PRELID2: variants seen among roughly 807,000 people sequenced by gnomAD.
PRELID2 encodes the protein PRELI domain containing 2.
In PRELID2, 25 loss-of-function variants were observed where a neutral mutation model predicts 28.4. The ratio of observed to expected loss-of-function variants is 0.88; its 90% confidence interval spans 0.64 to 1.23. The LOEUF (loss-of-function observed/expected upper bound fraction) is 1.23. PRELID2 is among the 50% of genes most tolerant of loss of function. The pLI is 0.00. For missense variants in PRELID2, 201 were observed against 214.4 expected, an observed-to-expected ratio of 0.94 and a Z score of 0.39; for synonymous variants, 76 against 71.6, an observed-to-expected ratio of 1.06 and a Z score of -0.31.
chr5:145,716,221 G>T (rs994557593), intron 1 of PRELID2, among the ~76,000 whole-genome samples: 2 of 152,148 alleles, frequency 1.3e-5, no homozygotes, highest in East Asian at 3.8e-4. Flanking sequence ...TGTCTTGTTC[G>T]TCATTGTATA....
chr5:145,359,718 T>C, the PRELID2 span, among the ~76,000 whole-genome samples: 1 of 152,190 alleles, frequency 6.6e-6, no homozygotes, highest in African/African-American at 2.4e-5. Flanking sequence ...GTTTAAAGAC[T>C]ATTATCAGAG....
the PRELID2 span, among the ~76,000 whole-genome samples, chr5:145,343,773 T>A: frequency 6.6e-6 from 1 of 151,360 alleles, no homozygotes; most frequent in Non-Finnish European, 1.5e-5. Context: ...ACTATGTAGA[T>A]GAACCAAGAA....
the PRELID2 span, among the ~76,000 whole-genome samples, chr5:145,359,941 T>C: frequency 6.6e-6 from 1 of 152,172 alleles, no homozygotes. Context: ...TACAGACATA[T>C]TGGATTGACC....
intron 1 of PRELID2, among the ~76,000 whole-genome samples, chr5:145,741,146 A>G (rs1199555482): frequency 2.6e-5 from 3 of 116,822 alleles, no homozygotes; most frequent in Admixed American, 2.0e-4. Context: ...ATAATGTATA[A>G]ATATGTAAAA....
intron 1 of PRELID2, among the ~76,000 whole-genome samples, chr5:145,655,061 C>G (rs1205329086): frequency 6.6e-6 from 1 of 151,802 alleles, no homozygotes; most frequent in Non-Finnish European, 1.5e-5. Flanking sequence ...TCTCAGGATA[C>G]AAAATCAATG....
At chr5:145,655,875 G>A (rs189190726) in intron 1 of PRELID2, among the ~76,000 whole-genome samples, 201 of 150,840 alleles carry the variant, frequency 1.3e-3, no homozygotes, top group African/African-American at 4.7e-3. Flanking sequence ...AAAAGCAATG[G>A]CAACAAAAGC....
chr5:145,818,162 C>T (rs1265370141), intron 3 of PRELID2, 108 bp from the exon 4 acceptor site: 4 of 1,130,670 alleles, frequency 3.5e-6, no homozygotes, highest in Non-Finnish European at 5.0e-6. Context: ...ACAAGTAATC[C>T]TGATACATGG....
chr5:145,346,062 A>C, the PRELID2 span, among the ~76,000 whole-genome samples: 3 of 151,984 alleles, frequency 2.0e-5, no homozygotes, highest in African/African-American at 7.3e-5. Context: ...AAGAGTTCTC[A>C]CTCTAGTCTC....
the PRELID2 span, among the ~76,000 whole-genome samples, chr5:145,351,434 C>T: frequency 6.6e-5 from 10 of 152,068 alleles, no homozygotes; most frequent in South Asian, 2.1e-4. Flanking sequence ...TCAGATCTTG[C>T]GAGAACTCAC....
At chr5:145,259,422 A>T in the PRELID2 span, among the ~76,000 whole-genome samples, 1 of 152,168 alleles carries the variant, frequency 6.6e-6, no homozygotes. Context: ...TGAACCCTAC[A>T]AAGCCATAGG....
chr5:145,338,165 C>G, the PRELID2 span: 1 of 152,108 alleles, frequency 6.6e-6, no homozygotes, highest in Admixed American at 6.5e-5. Flanking sequence ...CTGTTTTACT[C>G]ACTGTTGATG....
the PRELID2 span, among the ~76,000 whole-genome samples, chr5:145,381,901 GGA>G: frequency 6.7e-6 from 1 of 150,246 alleles, no homozygotes; most frequent in South Asian, 2.1e-4. Flanking sequence ...CAGAAAACTG[GGA>G]TGCATAGTCA....
At chr5:145,769,277 T>C (rs1757960413) in intron 5 of PRELID2, among the ~76,000 whole-genome samples, 1 of 152,216 alleles carries the variant, frequency 6.6e-6, no homozygotes, top group African/African-American at 2.4e-5. Flanking sequence ...TTTGCCAATG[T>C]ACAGATAAGT....
chr5:145,692,155 C>G (rs1005591223), intron 1 of PRELID2, among the ~76,000 whole-genome samples: 1 of 152,134 alleles, frequency 6.6e-6, no homozygotes, highest in Non-Finnish European at 1.5e-5. Flanking sequence ...GCCACACACT[C>G]CTTGAGGTTC....
At position 145,519,576 on chromosome 5, in the gene PRELID2, G is replaced by A. The variant is rs1006234056; in HGVS notation, n.71-46261C>T. On this transcript the variant is annotated intron_variant and non_coding_transcript_variant, in intron 1 of 2. Transcript: ENST00000510259. ...CTATAAAAGCCATACAGTTGCTTCC[G>A]ATGAGGCTTTATTAGCCATATTTAT... 9.2e-5 allele frequency among the ~76,000 whole-genome samples: 14 copies of A among 152,214 alleles called. No individual in the cohort carries two copies. The East Asian group carries it at 1.4e-3, about 15-fold the overall frequency.
chr5:145,739,545 A>G (rs1375972607), intron 1 of PRELID2, among the ~76,000 whole-genome samples: 5 of 152,162 alleles, frequency 3.3e-5, no homozygotes, highest in Non-Finnish European at 7.4e-5. Flanking sequence ...CAAGAAAGAA[A>G]GAATAAAGTA....
intron 1 of PRELID2, among the ~76,000 whole-genome samples, chr5:145,617,130 G>A (rs1418065589): frequency 6.6e-6 from 1 of 152,118 alleles, no homozygotes; most frequent in South Asian, 2.1e-4. Flanking sequence ...CTGTTATCCT[G>A]TTCTTTTTTC....
At chr5:145,784,781 A>G (rs1751877230) in intron 5 of PRELID2, among the ~76,000 whole-genome samples, 1 of 69,616 alleles carries the variant, frequency 1.4e-5, no homozygotes, top group African/African-American at 5.7e-5. Context: ...AATAATCCCA[A>G]CTTTGTTTTT....
chr5:145,827,014 A>G (rs10477289), intron 1 of PRELID2, among the ~76,000 whole-genome samples: 6,323 of 152,240 alleles, frequency 0.042, 434 homozygotes, highest in African/African-American at 0.14. Flanking sequence ...CTGTCTACCA[A>G]TTTACAAATG....
Sources: allele counts gnomAD v4.1 joint callset (sites outside exome capture counted in the v4.1 genomes callset), GRCh38; gene constraint gnomAD v4.1.1; transcripts MANE v1.5; gene names NCBI Gene and HGNC (gene_info 2026-07-23, HGNC 2026-07-21).